The following RBFOX1 variants were observed in gnomAD, a reference collection of about 807,000 sequenced individuals.
The protein encoded by RBFOX1 is RNA binding fox-1 homolog 1.
RBFOX1 carries 8 observed loss-of-function variants against 57.7 expected under a neutral mutation model. The observed-to-expected ratio is 0.14, with a 90% CI of 0.08 to 0.25. The LOEUF (loss-of-function observed/expected upper bound fraction) is 0.25, where lower values mean the gene tolerates loss of function less well. Among genes scored for constraint, RBFOX1 ranks in the 10% least tolerant of loss-of-function variants. The pLI, the probability that RBFOX1 is intolerant of heterozygous loss-of-function variation, is 1.00. For missense variants in RBFOX1, 611 were observed against 548.5 expected (o/e 1.11, Z -1.14); for synonymous variants, 326 against 222.4 (o/e 1.47, Z -4.15).
chr16:5,921,600 A>G lies in RBFOX1; in HGVS notation c.351+54265A>G, dbSNP rs1486476984. On this transcript the variant is annotated intron_variant, in intron 4 of 19. Coordinates refer to the RBFOX1 transcript ENST00000641259. Reference sequence around the variant, plus strand: ...GGAAAGGTAATGAAGGGGATGAGAAATAGGAAAAGGAAGTGTGTTAGGTGG... The same window carrying G: ...GGAAAGGTAATGAAGGGGATGAGAAGTAGGAAAAGGAAGTGTGTTAGGTGG... Among the ~76,000 whole-genome samples the G allele has an allele frequency of 3.3e-5, 5 of 152,304 alleles. No homozygotes were observed. In the East Asian group the frequency reaches 7.7e-4, roughly 24 times the overall value.
intron 4 of RBFOX1, among the ~76,000 whole-genome samples, chr16:5,935,054 C>T (rs1185644972): frequency 6.6e-6 from 1 of 152,224 alleles, no homozygotes; most frequent in Non-Finnish European, 1.5e-5. Context: ...TGTCTACACC[C>T]TCAGCTTTTA....
intron 4 of RBFOX1, among the ~76,000 whole-genome samples, chr16:7,482,002 A>G (rs2064076278): frequency 6.6e-6 from 1 of 152,226 alleles, no homozygotes; most frequent in Non-Finnish European, 1.5e-5. Flanking sequence ...TTTCACTTTC[A>G]CACCATTGTA....
chr16:5,585,371 T>C (rs986326666), intron 2 of RBFOX1, among the ~76,000 whole-genome samples: 10 of 152,354 alleles, frequency 6.6e-5, no homozygotes, highest in South Asian at 4.1e-4. Context: ...AATATTCTGT[T>C]GTATGGCTGA....
intron 15 of RBFOX1, chr16:7,709,864 G>C (rs1598702683): frequency 8.6e-7 from 1 of 1,161,012 alleles, no homozygotes; most frequent in African/African-American, 1.6e-5. Flanking sequence ...CCCATCACGT[G>C]AGAGCATATG....
intron 2 of RBFOX1, among the ~76,000 whole-genome samples, chr16:6,521,739 C>T (rs1379905395): frequency 1.3e-5 from 2 of 152,060 alleles, no homozygotes; most frequent in Admixed American, 1.3e-4. Flanking sequence ...ATTTCTGGGA[C>T]TTGACTTTAG....
intron 3 of RBFOX1, among the ~76,000 whole-genome samples, chr16:6,891,887 A>G (rs920806653): frequency 6.6e-6 from 1 of 152,174 alleles, no homozygotes; most frequent in Non-Finnish European, 1.5e-5. Context: ...CTTTTAAAAC[A>G]ATCCCTGCTC....
At chr16:6,529,059 C>G (rs1567569080) in intron 2 of RBFOX1, among the ~76,000 whole-genome samples, 1 of 151,986 alleles carries the variant, frequency 6.6e-6, no homozygotes, top group East Asian at 1.9e-4. Flanking sequence ...GGTTAAAAAA[C>G]AAAAAAACTT....
At chr16:7,118,270 A>T (rs112553179) in intron 4 of RBFOX1, among the ~76,000 whole-genome samples, 1 of 152,112 alleles carries the variant, frequency 6.6e-6, no homozygotes, top group African/African-American at 2.4e-5. Context: ...TCACTTTTTA[A>T]CAGTGGTCAT....
chr16:6,385,433 C>G (rs1303064982), intron 2 of RBFOX1, among the ~76,000 whole-genome samples: 2 of 152,194 alleles, frequency 1.3e-5, no homozygotes, highest in African/African-American at 2.4e-5. Context: ...CATCTTGGCT[C>G]ACTGCAATCT....
chr16:6,964,367 T>C lies in RBFOX1; in HGVS notation c.-15-87690T>C, dbSNP rs1389762032. Among the ~76,000 whole-genome samples the C allele has an allele frequency of 2.6e-5, 4 of 152,150 alleles. No individual in the cohort carries two copies. The South Asian group carries it at 8.3e-4, about 32-fold the overall frequency. On this transcript the variant is annotated intron_variant, in intron 3 of 15. Coordinates refer to ENST00000550418, the MANE Select transcript of RBFOX1 (RefSeq NM_018723.4). ...GAAAATACTCTATGTGACACTGTAA[T>C]GGTGGATCTGTGTCGTTATATATTG...
At chr16:6,306,232 G>C (rs755809239) in intron 1 of RBFOX1, among the ~76,000 whole-genome samples, 18 of 152,146 alleles carry the variant, frequency 1.2e-4, no homozygotes, top group Non-Finnish European at 1.8e-4. Flanking sequence ...ACCTGTCCTA[G>C]ATTTGCTGCA....
chr16:7,249,732 C>A (rs557937859), intron 4 of RBFOX1, among the ~76,000 whole-genome samples: 1 of 152,048 alleles, frequency 6.6e-6, no homozygotes, highest in Non-Finnish European at 1.5e-5. Flanking sequence ...CTTGTGCTAT[C>A]TCTGATTTTC....
intron 3 of RBFOX1, among the ~76,000 whole-genome samples, chr16:6,839,866 A>G (rs1007397679): frequency 6.6e-6 from 1 of 152,212 alleles, no homozygotes; most frequent in African/African-American, 2.4e-5. Flanking sequence ...TATTTGGGGT[A>G]TCTTTTCCCC....
chr16:6,691,012 G>A (rs113649910), intron 3 of RBFOX1, among the ~76,000 whole-genome samples: 6 of 152,050 alleles, frequency 3.9e-5, no homozygotes, highest in Non-Finnish European at 7.4e-5. Flanking sequence ...AAGTACCAGC[G>A]CTTGCAGCTT....
chr16:6,866,642 C>T (rs1230155439), intron 3 of RBFOX1, among the ~76,000 whole-genome samples: 1 of 149,920 alleles, frequency 6.7e-6, no homozygotes, highest in African/African-American at 2.5e-5. Flanking sequence ...CCCCGGTTCA[C>T]GCCATTCTCC....
At chr16:7,410,987 C>A (rs1485545956) in intron 4 of RBFOX1, among the ~76,000 whole-genome samples, 1 of 151,880 alleles carries the variant, frequency 6.6e-6, no homozygotes, top group East Asian at 1.9e-4. Flanking sequence ...ACTCTGTCAC[C>A]CAGGTTGGAG....
At chr16:7,010,705 A>T (rs1197887804) in intron 3 of RBFOX1, among the ~76,000 whole-genome samples, 1 of 151,988 alleles carries the variant, frequency 6.6e-6, no homozygotes, top group Admixed American at 6.6e-5. Flanking sequence ...CTGGGATTAC[A>T]CTTGCATGCC....
intron 2 of RBFOX1, among the ~76,000 whole-genome samples, chr16:6,651,902 C>G (rs536433667): frequency 6.6e-6 from 1 of 152,182 alleles, no homozygotes; most frequent in South Asian, 2.1e-4. Context: ...GAATGAAATT[C>G]TAACACATGC....
chr16:7,444,510 C>T (rs1235561495), intron 4 of RBFOX1, among the ~76,000 whole-genome samples: 63 of 152,042 alleles, frequency 4.1e-4, no homozygotes, highest in Non-Finnish European at 1.5e-5. Flanking sequence ...GCAAAAATTC[C>T]TCTGACTGGG....
Sources: gnomAD v4.1 joint callset for allele counts (sites outside exome capture counted in the v4.1 genomes callset) on GRCh38, gnomAD v4.1.1 for gene constraint, MANE v1.5 for transcripts, NCBI Gene and HGNC (gene_info 2026-07-23, HGNC 2026-07-21) for gene names.